NSD1: variants seen among roughly 807,000 people sequenced by gnomAD.
NSD1 encodes nuclear receptor binding SET domain protein 1, also known as histone-lysine N-methyltransferase, H3 lysine-36 specific.
A neutral mutation model predicts 242.7 loss-of-function variants in NSD1; 26 were observed. The ratio of observed to expected loss-of-function variants is 0.11; its 90% CI spans 0.08 to 0.15. NSD1 has a LOEUF of 0.15. NSD1 is among the 10% of genes least tolerant of loss of function. The pLI is 1.00. For synonymous variants in NSD1, 1,106 were observed against 1,178.1 expected (o/e 0.94, Z 1.25); for missense variants, 2,495 against 3,272.8 (o/e 0.76, Z 5.80).
intron 2 of NSD1, among the ~76,000 whole-genome samples, chr5:177,170,742 A>G (rs1037138009): frequency 5.9e-5 from 9 of 152,304 alleles, no homozygotes; most frequent in South Asian, 4.1e-4. Flanking sequence ...ATGTATTCAC[A>G]GTGTTATATA....
chr5:177,290,705 G>A (rs1359017131), intron 21 of NSD1, among the ~76,000 whole-genome samples: 1 of 152,208 alleles, frequency 6.6e-6, no homozygotes, highest in Non-Finnish European at 1.5e-5. Flanking sequence ...CACTGCGCCT[G>A]GCCAGAAATG....
At chr5:177,178,124 G>A (rs1006146676) in intron 2 of NSD1, among the ~76,000 whole-genome samples, 1 of 151,866 alleles carries the variant, frequency 6.6e-6, no homozygotes, top group Admixed American at 6.6e-5. Context: ...CAAACTCTTG[G>A]GCCTCAAGTG....
chr5:177,192,162 TA>T, intron 3 of NSD1, 143 bp downstream of exon 3: 1 of 744,632 alleles, frequency 1.3e-6, no homozygotes, highest in Non-Finnish European at 2.1e-6. Flanking sequence ...TTGGGGCTTT[TA>T]AAAGTTCGTT....
intron 2 of NSD1, among the ~76,000 whole-genome samples, chr5:177,158,245 C>A (rs563714266): frequency 1.1e-3 from 61 of 53,312 alleles, no homozygotes; most frequent in African/African-American, 1.7e-3. Context: ...TAATTTCTTT[C>A]TTTCTTTCTT....
intron 2 of NSD1, chr5:177,169,505 C>A: frequency 6.2e-6 from 1 of 160,896 alleles, no homozygotes; most frequent in South Asian, 1.6e-4. Flanking sequence ...GCTACTACTC[C>A]TCATCTTCAA....
chr5:177,288,653 C>G, intron 20 of NSD1, 166 bp from the exon 21 acceptor site: 1 of 599,480 alleles, frequency 1.7e-6, no homozygotes, highest in Non-Finnish European at 2.9e-6. Context: ...AATTGTATTA[C>G]CTGATTATTA....
intron 2 of NSD1, among the ~76,000 whole-genome samples, chr5:177,161,680 C>CTTT (rs57657595): frequency 5.2e-5 from 7 of 135,246 alleles, no homozygotes; most frequent in Admixed American, 7.5e-5. Flanking sequence ...TTCTTTCTTT[C>CTTT]TTTTTTTTTT....
intron 19 of NSD1, among the ~76,000 whole-genome samples, chr5:177,283,490 T>C (rs957655388): frequency 3.9e-5 from 6 of 152,194 alleles, no homozygotes; most frequent in African/African-American, 1.4e-4. Flanking sequence ...CAAACTTCAA[T>C]GTAGTCAGAA....
intron 13 of NSD1, among the ~76,000 whole-genome samples, chr5:177,257,553 A>C (rs1032054427): frequency 6.6e-6 from 1 of 151,836 alleles, no homozygotes; most frequent in Admixed American, 6.6e-5. Context: ...TTTCAAATGC[A>C]ATCAATCCAC....
At chr5:177,163,240 T>G (rs1758905291) in intron 2 of NSD1, among the ~76,000 whole-genome samples, 1 of 151,882 alleles carries the variant, frequency 6.6e-6, no homozygotes, top group Admixed American at 6.6e-5. Flanking sequence ...CCTACTGGGT[T>G]CAAGTGATTC....
At chr5:177,155,184 T>A (rs1758026902) in intron 2 of NSD1, among the ~76,000 whole-genome samples, 1 of 151,978 alleles carries the variant, frequency 6.6e-6, no homozygotes, top group African/African-American at 2.4e-5. Flanking sequence ...AGACTAGGTT[T>A]CTCCATGTTG....
At chr5:177,183,365 C>T (rs968399200) in intron 2 of NSD1, among the ~76,000 whole-genome samples, 1 of 152,138 alleles carries the variant, frequency 6.6e-6, no homozygotes, top group Admixed American at 6.6e-5. Context: ...GAAACCGAAC[C>T]TGTAGTATCT....
rs1169527703 is a variant in NSD1, at chr5:177,236,913, T to C, written c.3921+968T>C. 3.9e-5 allele frequency among the ~76,000 whole-genome samples: 6 copies of C among 152,226 alleles called. No homozygotes were observed. The East Asian group carries it at 1.2e-3, about 29-fold the overall frequency. ...GCAGAGATGCACGAACACGGTTCAC[T>C]GCAGCCTTGACCTCCTGGGTTTAAG... On this transcript the variant is annotated intron_variant, in intron 6 of 22. Coordinates refer to ENST00000439151, the MANE Select transcript of NSD1 (RefSeq NM_022455.5).
chr5:177,137,059 T>G (rs1393955208), intron 2 of NSD1: 1 of 454,328 alleles, frequency 2.2e-6, no homozygotes, highest in Non-Finnish European at 3.9e-6. Flanking sequence ...AGTAATGCTG[T>G]CAAGTATTGT....
intron 2 of NSD1, among the ~76,000 whole-genome samples, chr5:177,143,950 T>G (rs1757028059): frequency 6.6e-6 from 1 of 151,952 alleles, no homozygotes; most frequent in Non-Finnish European, 1.5e-5. Flanking sequence ...CATGCCCGAC[T>G]AATTTTGTGT....
chr5:177,231,921 A>G (rs949772859), intron 5 of NSD1, among the ~76,000 whole-genome samples: 3 of 151,860 alleles, frequency 2.0e-5, no homozygotes, highest in Non-Finnish European at 2.9e-5. Flanking sequence ...ATTTTTACAG[A>G]TAGGGTTTTG....
chr5:177,180,769 G>A (rs571889982), intron 2 of NSD1, among the ~76,000 whole-genome samples: 5 of 151,656 alleles, frequency 3.3e-5, no homozygotes, highest in African/African-American at 4.8e-5. Flanking sequence ...TGCATCCTCC[G>A]CCTCCCGGGT....
At chr5:177,196,168 G>C (rs1047414926) in intron 3 of NSD1, among the ~76,000 whole-genome samples, 1 of 152,140 alleles carries the variant, frequency 6.6e-6, no homozygotes, top group Non-Finnish European at 1.5e-5. Flanking sequence ...AGTAAGGGAG[G>C]GTGGCACAGT....
In NSD1 at chr5:177,268,046, A is replaced by G. The variant is rs372615509; in HGVS notation, c.5303+328A>G. ...CGGCATATGTACTCCCAGACGTACC[A>G]ATACGCAGTTATGCCCCCCACCATC... On this transcript the variant is annotated intron_variant, in intron 15 of 22. Coordinates refer to ENST00000439151, the MANE Select transcript of NSD1 (RefSeq NM_022455.5). 3.0e-4 allele frequency among the ~76,000 whole-genome samples: 46 copies of G among 151,600 alleles called. No individual in the cohort carries two copies. In the East Asian group the frequency reaches 8.2e-3, roughly 27 times the overall value.
Sources: allele counts gnomAD v4.1 joint callset (sites outside exome capture counted in the v4.1 genomes callset), GRCh38; gene constraint gnomAD v4.1.1; transcripts MANE v1.5; gene names NCBI Gene and HGNC (gene_info 2026-07-23, HGNC 2026-07-21).